Variants in SFXN1 observed in about 807,000 individuals in gnomAD.
SFXN1 encodes sideroflexin 1, also known as sideroflexin-1.
In SFXN1, 32 loss-of-function variants were observed where a neutral mutation model predicts 39.5. The observed-to-expected ratio is 0.81, with a 90% CI of 0.61 to 1.09. The LOEUF (loss-of-function observed/expected upper bound fraction) is 1.09, where lower values mean the gene tolerates loss of function less well. Among genes scored for constraint, SFXN1 ranks in the 50% least tolerant of loss-of-function variants. SFXN1 has a pLI of 0.00. For missense variants in SFXN1, 402 were observed against 407.1 expected, an observed-to-expected ratio of 0.99 and a Z score of 0.11; for synonymous variants, 136 against 146.5, an observed-to-expected ratio of 0.93 and a Z score of 0.52.
At chr5:175,484,040 C>G (rs1200202798) in intron 1 of SFXN1, 2 of 152,210 alleles carry the variant, frequency 1.3e-5, no homozygotes, top group Non-Finnish European at 2.9e-5. Flanking sequence ...ACATCTTGTT[C>G]TCCAAAACTT....
chr5:175,485,649 A>G (rs1156934748), intron 1 of SFXN1, among the ~76,000 whole-genome samples: 1 of 152,236 alleles, frequency 6.6e-6, no homozygotes, highest in Non-Finnish European at 1.5e-5. Context: ...AATAGATACT[A>G]AAGATAGCAG....
At chr5:175,522,246 T>C (rs1760904649) in intron 9 of SFXN1, 129 bp from the exon 10 acceptor site, 2 of 934,380 alleles carry the variant, frequency 2.1e-6, no homozygotes, top group African/African-American at 3.3e-5. Flanking sequence ...AAACAGGACT[T>C]ATTTTTGTTA....
rs2113375630 is a variant in SFXN1 at position 175,527,941 on chromosome 5, A to T, written c.*1207A>T. 1 of 124,834 alleles carries T rather than the reference A, an allele frequency of 8.0e-6. No individual in the cohort carries two copies. The highest frequency in any genetic ancestry group is 2.6e-4 in the South Asian group (1 of 3,824). 7.7% of individuals were successfully genotyped at this position (124,834 alleles called of 1,614,324 possible). On this transcript the variant is annotated 3_prime_UTR_variant, in exon 11 of 11. Transcript: ENST00000321442. ...TTTTTTTTTTTTTTTTTTTTTTGAGACGGAGTCTCGCTCTGTCACCCAGGC... is the reference window on the plus strand; with the variant it reads ...TTTTTTTTTTTTTTTTTTTTTTGAGTCGGAGTCTCGCTCTGTCACCCAGGC...
Position 175,511,497 on chromosome 5 carries a change from A to T in SFXN1, c.481A>T (p.Thr161Ser). Reference sequence around the variant, plus strand: ...TTCTGCAACAACTGGTGCCGTAGCAACAGCTCTAGGACTCAATGCATTGAC... The same window carrying T: ...TTCTGCAACAACTGGTGCCGTAGCATCAGCTCTAGGACTCAATGCATTGAC... ...YVSATTGAVATALGLNALTKH... is the reference protein window; with the variant it reads ...YVSATTGAVASALGLNALTKH... The change falls in exon 5 of 11, where the codon ACA (threonine) becomes TCA (serine). Residue 161 changes from threonine to serine, a missense_variant. Coordinates refer to ENST00000321442, the MANE Select transcript of SFXN1 (RefSeq NM_022754.7). 1.2e-6 allele frequency: 2 copies of T among 1,614,154 alleles called. No individual in the cohort carries two copies. The highest frequency in any genetic ancestry group is 1.7e-6 in the Non-Finnish European group (2 of 1,180,000).
intron 10 of SFXN1, 39 bp from the exon 11 acceptor site, chr5:175,526,599 T>C (rs1054938178): frequency 6.5e-7 from 1 of 1,549,166 alleles, no homozygotes; most frequent in African/African-American, 1.4e-5. Context: ...TTCTCACCTC[T>C]GCCTGTGTAA....
chr5:175,499,265 A>G (rs1759983802), intron 2 of SFXN1, among the ~76,000 whole-genome samples: 1 of 152,124 alleles, frequency 6.6e-6, no homozygotes, highest in Non-Finnish European at 1.5e-5. Context: ...AAGAAAAAAA[A>G]AAAAGGGATA....
At chr5:175,522,268 A>G (rs1760905247) in intron 9 of SFXN1, 107 bp from the exon 10 acceptor site, 5 of 1,155,162 alleles carry the variant, frequency 4.3e-6, no homozygotes, top group African/African-American at 1.5e-5. Context: ...ACAACACAGA[A>G]CGTAATGCTC....
At chr5:175,497,385 C>T (rs1007217801) in intron 2 of SFXN1, among the ~76,000 whole-genome samples, 8 of 151,884 alleles carry the variant, frequency 5.3e-5, no homozygotes, top group Non-Finnish European at 1.2e-4. Flanking sequence ...AGTGGGATAC[C>T]CACAATGCTA....
intron 2 of SFXN1, among the ~76,000 whole-genome samples, chr5:175,495,021 A>G (rs1759805757): frequency 6.6e-6 from 1 of 152,222 alleles, no homozygotes; most frequent in Admixed American, 6.5e-5. Context: ...ACAGTAGCCA[A>G]AAGTTGGAAG....
chr5:175,508,351 A>G (rs1435026865), intron 2 of SFXN1, among the ~76,000 whole-genome samples: 1 of 147,170 alleles, frequency 6.8e-6, no homozygotes, highest in Non-Finnish European at 1.5e-5. Context: ...TCAGCCTCCC[A>G]GGTAGCTGGG....
In SFXN1 at chr5:175,528,701, T is replaced by G. The variant is rs1022933956; in HGVS notation, c.*1967T>G. 1 of 152,216 alleles carries G rather than the reference T, an allele frequency of 6.6e-6. No individual in the cohort carries two copies. Among genetic ancestry groups the G allele is most frequent in the South Asian group, 2.1e-4 (1 of 4,828 alleles). The allele number at this position is 152,216 out of a possible 1,614,324, so 9.4% of individuals were successfully genotyped here. A position where few individuals can be genotyped will look rare whatever the true frequency, so the allele number is the denominator to read the frequency against. ...AGCCTTCCTTGATGCTGCCAGAGTCTTCTTATTTAGATTTTCTGTCTTAAA... is the reference window on the plus strand; with the variant it reads ...AGCCTTCCTTGATGCTGCCAGAGTCGTCTTATTTAGATTTTCTGTCTTAAA... On this transcript the variant is annotated 3_prime_UTR_variant, in exon 11 of 11. Transcript: ENST00000321442.
chr5:175,495,246 A>G (rs1395389560), intron 2 of SFXN1, among the ~76,000 whole-genome samples: 1 of 152,140 alleles, frequency 6.6e-6, no homozygotes, highest in Non-Finnish European at 1.5e-5. Flanking sequence ...AGGTACCTAG[A>G]GTAGTCAAAT....
chr5:175,527,662 GA>G lies in SFXN1; in HGVS notation c.*931del, dbSNP rs910360208. On this transcript the variant is annotated 3_prime_UTR_variant, in exon 11 of 11. Coordinates refer to ENST00000321442, the MANE Select transcript of SFXN1 (RefSeq NM_022754.7). ...TCCTTATAGATCTCTTTGGCTTTCA[GA>G]AAGATACAGTGATAATGTGTGTATG... is the stretch of plus-strand genomic sequence containing the variant. 21 of 151,880 alleles carry G rather than the reference GA, an allele frequency of 1.4e-4. No homozygotes were observed. Among genetic ancestry groups the G allele is most frequent in the African/African-American group, 4.6e-4 (19 of 41,340 alleles). The allele number at this position is 151,880 out of a possible 1,614,324, so 9.4% of individuals were successfully genotyped here. A position where few individuals can be genotyped will look rare whatever the true frequency, so the allele number is the denominator to read the frequency against.
chr5:175,505,775 C>G (rs1182741014), intron 2 of SFXN1, among the ~76,000 whole-genome samples: 2 of 152,084 alleles, frequency 1.3e-5, no homozygotes, highest in East Asian at 3.8e-4. Context: ...AAACTCTCAA[C>G]TGATGCAGGC....
intron 3 of SFXN1, among the ~76,000 whole-genome samples, chr5:175,509,691 A>G (rs1372494582): frequency 6.6e-6 from 1 of 152,192 alleles, no homozygotes; most frequent in African/African-American, 2.4e-5. Flanking sequence ...AGGTATAGGT[A>G]TAAGTGTAGA....
At chr5:175,480,257 T>C (rs748925022) in intron 1 of SFXN1, among the ~76,000 whole-genome samples, 23 of 152,114 alleles carry the variant, frequency 1.5e-4, no homozygotes, top group Admixed American at 3.9e-4. Context: ...AAAAATTAGC[T>C]GGGCGTGGTT....
At chr5:175,513,294 TGTAAAAAAAAAAAAA>T (rs1475036583) in intron 6 of SFXN1, among the ~76,000 whole-genome samples, 154 bp from the exon 7 acceptor site, 105 of 55,800 alleles carry the variant, frequency 1.9e-3, no homozygotes, top group Non-Finnish European at 2.8e-3. Context: ...AGAGTGAGAC[TGTAAAAAAAAAAAAA>T]AAAAAAAAAA....
At chr5:175,489,442 A>G (rs267374) in intron 1 of SFXN1, among the ~76,000 whole-genome samples, 55,823 of 152,138 alleles carry the variant, frequency 0.37, 11,334 homozygotes, top group Non-Finnish European at 0.47. Context: ...GCAGAGCCCA[A>G]GCCTCTGTAG....
At chr5:175,498,814 G>T (rs1015612271) in intron 2 of SFXN1, among the ~76,000 whole-genome samples, 2 of 152,036 alleles carry the variant, frequency 1.3e-5, no homozygotes, top group Non-Finnish European at 2.9e-5. Context: ...CCAAAAGAAG[G>T]CAGGGAAAGA....
Sources: gnomAD v4.1 joint callset for allele counts (sites outside exome capture counted in the v4.1 genomes callset) on GRCh38, gnomAD v4.1.1 for gene constraint, MANE v1.5 for transcripts, NCBI Gene and HGNC (gene_info 2026-07-23, HGNC 2026-07-21) for gene names.